Variants in RDX observed in about 807,000 individuals in gnomAD.
The protein encoded by RDX is deafness, autosomal recessive 24.
RDX carries 32 observed loss-of-function variants against 83.7 expected under a neutral mutation model. The observed-to-expected ratio is 0.38, with a 90% confidence interval of 0.29 to 0.51. The LOEUF (loss-of-function observed/expected upper bound fraction) is 0.51, where lower values mean the gene tolerates loss of function less well. Ranked by LOEUF, RDX falls within the 20% of genes least tolerant of loss-of-function variation. The probability of loss-of-function intolerance (pLI) is 0.87; values close to 1 mark genes in which losing one functional copy is unlikely to be tolerated. For missense variants in RDX, 600 were observed against 689.9 expected, an observed-to-expected ratio of 0.87 and a Z score of 1.46; for synonymous variants, 229 against 222.7, an observed-to-expected ratio of 1.03 and a Z score of -0.25.
intron 1 of RDX, among the ~76,000 whole-genome samples, chr11:110,294,634 G>C (rs1861373410): frequency 6.6e-6 from 1 of 152,058 alleles, no homozygotes; most frequent in Non-Finnish European, 1.5e-5. Context: ...GACTCAGCAA[G>C]GGAGGGAAAC....
At chr11:110,255,440 C>A in intron 7 of RDX, 55 bp from the exon 8 acceptor site, 1 of 939,878 alleles carries the variant, frequency 1.1e-6, no homozygotes, top group South Asian at 1.3e-5. Flanking sequence ...GAATAAAATT[C>A]CTGTTTAGGA....
At chr11:110,263,872 A>AC in intron 5 of RDX, 88 bp downstream of exon 5, 1 of 1,339,276 alleles carries the variant, frequency 7.5e-7, no homozygotes, top group Non-Finnish European at 1.0e-6. Flanking sequence ...TGTCTCCAAA[A>AC]AAAAAAAAAA....
intron 15 of RDX, among the ~76,000 whole-genome samples, chr11:110,180,328 C>A (rs1471574881): frequency 1.3e-5 from 2 of 152,116 alleles, no homozygotes; most frequent in Non-Finnish European, 2.9e-5. Flanking sequence ...ATTTCCCCAA[C>A]CCCCATATGG....
intron 12 of RDX, among the ~76,000 whole-genome samples, chr11:110,234,823 T>C (rs1864777177): frequency 6.6e-6 from 1 of 152,206 alleles, no homozygotes; most frequent in Admixed American, 6.5e-5. Context: ...AAGATTTACT[T>C]AAGAGTGCAA....
intron 5 of RDX, among the ~76,000 whole-genome samples, chr11:110,259,711 C>A (rs908007359): frequency 6.6e-6 from 1 of 152,168 alleles, no homozygotes; most frequent in Non-Finnish European, 1.5e-5. Flanking sequence ...CACAGAGAGG[C>A]ATGCAATCAG....
At chr11:110,227,684 A>T (rs1864477903), downstream of RDX, among the ~76,000 whole-genome samples, 1 of 152,144 alleles carries the variant, frequency 6.6e-6, no homozygotes, top group African/African-American at 2.4e-5. Context: ...AAAGGGTCAC[A>T]ATCATCCTAA....
intron 15 of RDX, among the ~76,000 whole-genome samples, chr11:110,190,472 A>G (rs541697890): frequency 6.6e-6 from 1 of 152,298 alleles, no homozygotes; most frequent in South Asian, 2.1e-4. Flanking sequence ...ATAAATAAAT[A>G]TAAATGCTTA....
chr11:110,233,209 T>G (rs1864708342), intron 13 of RDX, 28 bp downstream of exon 13: 2 of 1,611,852 alleles, frequency 1.2e-6, no homozygotes, highest in Non-Finnish European at 1.7e-6. Flanking sequence ...ATATTTCAAA[T>G]GCACATACAA....
downstream of RDX, among the ~76,000 whole-genome samples, chr11:110,227,464 TGAA>T (rs920709890): frequency 3.3e-5 from 5 of 151,910 alleles, no homozygotes; most frequent in African/African-American, 1.2e-4. Flanking sequence ...TAAATAAAAG[TGAA>T]GAACAATTAG....
At chr11:110,256,365 A>T (rs1198458138) in intron 7 of RDX, among the ~76,000 whole-genome samples, 1 of 152,230 alleles carries the variant, frequency 6.6e-6, no homozygotes, top group East Asian at 1.9e-4. Context: ...CCCTGATATA[A>T]GTCAAAGTAA....
At chr11:110,249,695 C>T (rs1030444374) in intron 9 of RDX, among the ~76,000 whole-genome samples, 3 of 152,044 alleles carry the variant, frequency 2.0e-5, no homozygotes, top group Non-Finnish European at 4.4e-5. Flanking sequence ...CATAGCGAGA[C>T]CTCATCTCTT....
intron 1 of RDX, among the ~76,000 whole-genome samples, chr11:110,282,955 C>A (rs1030586957): frequency 4.0e-5 from 6 of 151,834 alleles, no homozygotes; most frequent in African/African-American, 1.5e-4. Flanking sequence ...CCAGCCTGGG[C>A]AACAGGGCAA....
Position 110,233,466 on chromosome 11 carries a change from T to C in RDX, c.1358A>G (p.Gln453Arg). ...TTCTTTGGTCTTTTCCAAGTCTTCC[T>C]GGGCTGCAAAAGCCTGAACATTAAA... ...TEWQHKAFAA[Q>R]EDLEKTKEEL... The change falls in exon 13 of 14, where the codon CAG becomes CGG. Residue 453 changes from glutamine to arginine, a missense_variant. Physicochemically the swap from Gln to Arg is conservative, Grantham distance 43. Transcript: ENST00000645495. The C allele has an allele frequency of 1.2e-6, 2 of 1,614,120 alleles. No homozygotes were observed. The highest frequency in any genetic ancestry group is 1.7e-6 in the Non-Finnish European group (2 of 1,180,008).
Position 110,255,306 on chromosome 11 carries a change from T to A in RDX, c.778A>T (p.Ile260Phe). The A allele has an allele frequency of 6.3e-7, 1 of 1,578,286 alleles. No individual in the cohort carries two copies. The highest frequency in any genetic ancestry group is 1.8e-4 in the Middle Eastern group (1 of 5,670). Residue 260 changes from isoleucine to phenylalanine, a missense_variant, in exon 8 of 14, where the codon ATC (isoleucine) becomes TTC (phenylalanine). Coordinates refer to ENST00000645495, the MANE Select transcript of RDX (RefSeq NM_002906.4). The part of the protein sequence containing the change: ...FNDKKFVIKP[I>F]DKKAPDFVFY... The stretch of plus-strand genomic sequence containing the variant: ...TTACTTACAGGTGCCTTTTTGTCGA[T>A]TGGCTTTATAACAAATTTTTTGTCA...
At chr11:110,234,106 C>A (rs1312042503) in intron 12 of RDX, among the ~76,000 whole-genome samples, 1 of 152,120 alleles carries the variant, frequency 6.6e-6, no homozygotes, top group Admixed American at 6.5e-5. Context: ...CAAAAGTACT[C>A]CAGTTTAGAT....
At position 110,283,138 on chromosome 11, in the gene RDX, G is replaced by C. The variant is rs146859384; in HGVS notation, c.-64-3382C>G. 3.3e-5 allele frequency among the ~76,000 whole-genome samples: 5 copies of C among 152,160 alleles called. No individual in the cohort carries two copies. In the East Asian group the frequency reaches 9.6e-4, roughly 29 times the overall value. On this transcript the variant is annotated intron_variant, in intron 1 of 13. Transcript: ENST00000645495. ...TGTAAACTTGTAAAATGAAAATGTA[G>C]AGGTTTTGTCATAAACTAATTTCTT...
intron 10 of RDX, among the ~76,000 whole-genome samples, chr11:110,242,658 T>C (rs1865147477): frequency 6.6e-6 from 1 of 152,168 alleles, no homozygotes. Context: ...TATTTTGTGA[T>C]ATATTAAGAA....
intron 10 of RDX, among the ~76,000 whole-genome samples, chr11:110,246,080 G>T (rs1416262338): frequency 6.6e-6 from 1 of 152,078 alleles, no homozygotes; most frequent in Non-Finnish European, 1.5e-5. Flanking sequence ...ATTTTTCGGA[G>T]AGATAAGATC....
At chr11:110,228,727 G>C (rs1313486822), downstream of RDX, among the ~76,000 whole-genome samples, 1 of 151,428 alleles carries the variant, frequency 6.6e-6, no homozygotes, top group Admixed American at 6.6e-5. Context: ...CAATAATATT[G>C]AAACACTTCT....
Sources: gnomAD v4.1 joint callset for allele counts (sites outside exome capture counted in the v4.1 genomes callset) on GRCh38, gnomAD v4.1.1 for gene constraint, MANE v1.5 for transcripts, NCBI Gene and HGNC (gene_info 2026-07-23, HGNC 2026-07-21) for gene names.